Variants in TP53BP1 observed in about 807,000 individuals in gnomAD.
The protein encoded by TP53BP1 is tumor protein p53 binding protein 1.
Under a neutral mutation model 200.8 loss-of-function variants are expected in TP53BP1, and 61 were observed. The ratio of observed to expected loss-of-function variants is 0.30; its 90% CI spans 0.25 to 0.38. The LOEUF (loss-of-function observed/expected upper bound fraction) is 0.38, where lower values mean the gene tolerates loss of function less well. Among genes scored for constraint, TP53BP1 ranks in the 10% least tolerant of loss-of-function variants. The pLI, the probability that TP53BP1 is intolerant of heterozygous loss-of-function variation, is 1.00. For synonymous variants in TP53BP1, 822 were observed against 844.3 expected, an observed-to-expected ratio of 0.97 and a Z score of 0.46; for missense variants, 2,144 against 2,371.9, an observed-to-expected ratio of 0.90 and a Z score of 2.00.
At chr15:43,422,898 G>A (rs2045438408) in intron 18 of TP53BP1, among the ~76,000 whole-genome samples, 1 of 151,750 alleles carries the variant, frequency 6.6e-6, no homozygotes, top group African/African-American at 2.4e-5. Flanking sequence ...GGGAGGCTGA[G>A]GTGGGAGGAT....
chr15:43,432,590 C>T lies in TP53BP1; in HGVS notation c.3279G>A (p.Gln1093=). 1 of 1,614,156 alleles carries T rather than the reference C, an allele frequency of 6.2e-7. No individual in the cohort carries two copies. The highest frequency in any genetic ancestry group is 1.3e-5 in the African/African-American group (1 of 75,034). The change falls in exon 17 of 28, where the codon CAG becomes CAA. Residue 1093 remains glutamine (Q), a synonymous_variant. Transcript: ENST00000382044. ...EGDHTIRQSQ[Q]PMKPISPVKD... is the part of the protein sequence containing the mutation. ...TGACAGGACTAATGGGCTTCATAGG[C>T]TGTTGACTCTGCCTGATTGTATGGT...
Position 43,416,231 on chromosome 15 carries a change from T to G in TP53BP1, c.4867A>C (p.Ser1623Arg). The G allele has an allele frequency of 6.2e-7, 1 of 1,613,228 alleles. No homozygotes were observed. Among genetic ancestry groups the G allele is most frequent in the African/African-American group, 1.3e-5 (1 of 75,052 alleles). ...CAGGAAGCAAAAGTCTTACCTAAGC[T>G]GATATCTGCTGCCTTTGTAAGAGGT... ...VTPLTKAADI[S>R]LDNLVEGKRK... The change falls in exon 22 of 28, where the codon AGC (serine) becomes CGC (arginine). Residue 1623 changes from serine (S) to arginine (R), a missense_variant. Ser to Arg is a moderately radical substitution (Grantham distance 110, BLOSUM62 -1). This residue lies in a region of TP53BP1 where 334 missense variants were observed against 453.4 expected (regional missense o/e 0.74). Transcript: ENST00000382044.
intron 1 of TP53BP1, among the ~76,000 whole-genome samples, chr15:43,509,225 C>G (rs1350757882): frequency 7.1e-6 from 1 of 140,358 alleles, no homozygotes; most frequent in Non-Finnish European, 1.5e-5. Flanking sequence ...GGAACACCGT[C>G]TCATGTGTCA....
In TP53BP1 at chr15:43,407,157, T is replaced by C. The variant is rs988431301; in HGVS notation, c.*226A>G. 3.9e-6 allele frequency: 2 copies of C among 514,308 alleles called. No homozygotes were observed. The highest frequency in any genetic ancestry group is 7.0e-6 in the Non-Finnish European group (2 of 286,364). The allele number at this position is 514,308 out of a possible 1,614,324, so 31.9% of individuals were successfully genotyped here. ...CTGTTGAAAGACTCAGAGAAAGTAC[T>C]ATGTCTTGTCATTTGTTCTGAGATT... On this transcript the variant is annotated 3_prime_UTR_variant, in exon 28 of 28. Coordinates refer to ENST00000382044, the MANE Select transcript of TP53BP1 (RefSeq NM_001141980.3).
At chr15:43,449,558 C>G (rs2444030) in intron 12 of TP53BP1, among the ~76,000 whole-genome samples, 149,338 of 152,314 alleles carry the variant, frequency 0.98, 73,233 homozygotes, top group East Asian at 1. Flanking sequence ...ATGGAAAATT[C>G]AGACTTTTAC....
Position 43,455,957 on chromosome 15 carries a change from G to A in TP53BP1, c.2651C>T (p.Ala884Val). The A allele has an allele frequency of 6.2e-7, 1 of 1,614,140 alleles. No individual in the cohort carries two copies. The change falls in exon 12 of 28, where the codon GCA becomes GTA. Residue 884 changes from alanine (A) to valine (V), a missense_variant. Physicochemically the swap from Ala to Val is moderately conservative, Grantham distance 64. This residue lies in a region of TP53BP1 where 1,700 missense variants were observed against 1,710.3 expected (regional missense o/e 0.99). Coordinates refer to ENST00000382044, the MANE Select transcript of TP53BP1 (RefSeq NM_001141980.3). ...MANAKQLSSD[A>V]EAQKLGKPSA... ...GGGCTTCCCCAGCTTCTGGGCCTCT[G>A]CATCTGAGCTTAGCTGCTTTGCATT... is the stretch of plus-strand genomic sequence containing the variant.
At chr15:43,467,847 G>A (rs1183222058) in intron 11 of TP53BP1, among the ~76,000 whole-genome samples, 8 of 151,026 alleles carry the variant, frequency 5.3e-5, no homozygotes, top group Non-Finnish European at 8.8e-5. Flanking sequence ...GCAGTGGCGC[G>A]ATCTCAGCTC....
At chr15:43,430,462 G>A (rs1195341176) in intron 17 of TP53BP1, among the ~76,000 whole-genome samples, 1 of 152,120 alleles carries the variant, frequency 6.6e-6, no homozygotes, top group African/African-American at 2.4e-5. Flanking sequence ...TGAACACAAT[G>A]CTCATATCCC....
intron 18 of TP53BP1, among the ~76,000 whole-genome samples, chr15:43,423,677 C>G (rs2045459274): frequency 6.6e-6 from 1 of 151,724 alleles, no homozygotes; most frequent in African/African-American, 2.4e-5. Flanking sequence ...AAAAAATCCC[C>G]ATGGGGAGAC....
chr15:43,408,442 C>G, intron 26 of TP53BP1: 1 of 274,934 alleles, frequency 3.6e-6, no homozygotes, highest in East Asian at 8.8e-5. Flanking sequence ...CACTGCGCCA[C>G]TGTACTCCAG....
At chr15:43,419,536 CTTTTTTTT>C (rs34159488) in intron 21 of TP53BP1, among the ~76,000 whole-genome samples, 5 of 73,404 alleles carry the variant, frequency 6.8e-5, no homozygotes, top group African/African-American at 1.8e-4. Context: ...ATTTATGTTC[CTTTTTTTT>C]TTTTTTTTTT....
At chr15:43,479,338 T>G in intron 7 of TP53BP1, 59 bp downstream of exon 7, 3 of 1,467,908 alleles carry the variant, frequency 2.0e-6, no homozygotes, top group Admixed American at 2.4e-5. Flanking sequence ...TCTGGTAAAA[T>G]GACATTAGTA....
chr15:43,429,794 T>G (rs570918339), intron 17 of TP53BP1, among the ~76,000 whole-genome samples: 3 of 152,344 alleles, frequency 2.0e-5, no homozygotes, highest in African/African-American at 7.2e-5. Context: ...AGCACAGGTC[T>G]GTCCTACCTC....
intron 16 of TP53BP1, among the ~76,000 whole-genome samples, chr15:43,437,372 C>T (rs889999808): frequency 6.6e-6 from 1 of 152,146 alleles, no homozygotes; most frequent in Non-Finnish European, 1.5e-5. Flanking sequence ...GTGGCTCACA[C>T]TTGTATTCCT....
Position 43,438,361 on chromosome 15 carries a change from C to T in TP53BP1, c.3154G>A (p.Glu1052Lys), listed in dbSNP as rs1465591570. The change falls in exon 16 of 28, where the codon GAG becomes AAG. Residue 1052 changes from glutamate (E) to lysine (K), a missense_variant. Around this residue, in one of 4 missense-constraint regions of TP53BP1, gnomAD observed 1,700 missense variants for 1,710.3 expected, o/e 0.99. Coordinates refer to ENST00000382044, the MANE Select transcript of TP53BP1 (RefSeq NM_001141980.3). ...GTGGGGGGATCCTCACTTCGAGCCT[C>T]ATTCTCTTGCCTGGCTTCACAGATA... is the stretch of plus-strand genomic sequence containing the variant. ...SCICEARQENEARSEDPPTTP... is the reference protein window; with the variant it reads ...SCICEARQENKARSEDPPTTP... 6.2e-7 allele frequency: 1 copy of T among 1,613,804 alleles called. No individual in the cohort carries two copies. The highest frequency in any genetic ancestry group is 8.5e-7 in the Non-Finnish European group (1 of 1,179,934).
intron 10 of TP53BP1, 90 bp downstream of exon 10, chr15:43,474,583 A>G: frequency 1.2e-6 from 1 of 830,012 alleles, no homozygotes; most frequent in Non-Finnish European, 1.9e-6. Flanking sequence ...CAAGCATTCT[A>G]AAGTACAAAG....
At chr15:43,436,955 C>T (rs2045812959) in intron 16 of TP53BP1, among the ~76,000 whole-genome samples, 1 of 151,012 alleles carries the variant, frequency 6.6e-6, no homozygotes. Flanking sequence ...TGAGCCCAGG[C>T]GTCTGAGACC....
At chr15:43,445,870 T>C (rs147785801) in intron 14 of TP53BP1, among the ~76,000 whole-genome samples, 7 of 152,314 alleles carry the variant, frequency 4.6e-5, no homozygotes, top group East Asian at 1.9e-4. Context: ...GGAATCATCA[T>C]GCACAAAAGC....
chr15:43,432,673 T>C lies in TP53BP1; in HGVS notation c.3196A>G (p.Asn1066Asp), dbSNP rs1201287650. ...EDPPTTPIRG[N>D]LLHFPSSQGE... ...TGAGAACTTGGAAAGTGGAGCAAGT[T>C]CCCCCTGAAAATGCAACATATAAAG... The change falls in exon 17 of 28, where the codon AAC (asparagine) becomes GAC (aspartate). Residue 1066 changes from asparagine (N) to aspartate (D), a missense_variant. Transcript: ENST00000382044. The C allele has an allele frequency of 6.3e-7, 1 of 1,599,308 alleles. No individual in the cohort carries two copies. The highest frequency in any genetic ancestry group is 1.1e-5 in the South Asian group (1 of 89,952).
Sources: gnomAD v4.1 joint callset for allele counts (sites outside exome capture counted in the v4.1 genomes callset) on GRCh38, gnomAD v4.1.1 for gene constraint, gnomAD v4.1.1 regional missense constraint, MANE v1.5 for transcripts, NCBI Gene and HGNC (gene_info 2026-07-23, HGNC 2026-07-21) for gene names.